PRPF8: variants seen among roughly 807,000 people sequenced by gnomAD.
The protein encoded by PRPF8 is pre-mRNA processing factor 8.
PRPF8 carries 64 observed loss-of-function variants against 285.9 expected under a neutral mutation model. That is an observed-to-expected ratio of 0.22 (90% confidence interval 0.18 to 0.28). The LOEUF (loss-of-function observed/expected upper bound fraction) is 0.28. Ranked by LOEUF, PRPF8 falls within the 10% of genes least tolerant of loss-of-function variation. PRPF8 has a pLI of 1.00. For missense variants in PRPF8, 1,426 were observed against 3,026.7 expected (o/e 0.47, Z 12.41); for synonymous variants, 1,325 against 1,118.2 (o/e 1.18, Z -3.69).
chr17:1,677,079 A>G lies in PRPF8; in HGVS notation c.2078T>C (p.Ile693Thr). The change falls in exon 15 of 43, where the codon ATT (isoleucine) becomes ACT (threonine). Residue 693 changes from isoleucine to threonine, a missense_variant. Ile to Thr is a moderately conservative substitution (Grantham distance 89, BLOSUM62 -1). This residue lies in a region of PRPF8 where 7 missense variants were observed against 67.9 expected (regional missense o/e 0.10). Transcript: ENST00000304992. The part of the protein sequence containing the change: ...LELRAAVMHD[I>T]LDMMPEGIKQ... ...GATCCCCTCAGGCATCATGTCCAGA[A>G]TATCATGCATCACAGCTGCCCGCAG... 6.2e-7 allele frequency: 1 copy of G among 1,613,988 alleles called. No homozygotes were observed. Among genetic ancestry groups the G allele is most frequent in the Non-Finnish European group, 8.5e-7 (1 of 1,180,000 alleles).
At chr17:1,669,997 G>A (rs1912216897) in intron 24 of PRPF8, among the ~76,000 whole-genome samples, 1 of 152,070 alleles carries the variant, frequency 6.6e-6, no homozygotes, top group African/African-American at 2.4e-5. Context: ...TCTCACCTAG[G>A]AACCTCTAAG....
At position 1,653,720 on chromosome 17, in the gene PRPF8, C is replaced by G. The variant is rs770084576; in HGVS notation, c.6228-37G>C. 6.2e-7 allele frequency: 1 copy of G among 1,614,152 alleles called. No homozygotes were observed. The highest frequency in any genetic ancestry group is 1.1e-5 in the South Asian group (1 of 91,086). ...CAGGGAGTGTCAGCATCGCTCAGCCCAGCACCTTAGGTAGTGCAGCCGGCC... is the reference window on the plus strand; with the variant it reads ...CAGGGAGTGTCAGCATCGCTCAGCCGAGCACCTTAGGTAGTGCAGCCGGCC... On this transcript the variant is annotated intron_variant, in intron 38 of 42. Coordinates refer to ENST00000304992, the MANE Select transcript of PRPF8 (RefSeq NM_006445.4). The surrounding 1 kb of genome is among the most constrained non-coding windows in gnomAD (Gnocchi z 4.9).
At chr17:1,677,511 C>T in intron 14 of PRPF8, 54 bp downstream of exon 14, 1 of 1,613,206 alleles carries the variant, frequency 6.2e-7, no homozygotes, top group Non-Finnish European at 8.5e-7. Flanking sequence ...CAAACAGGGG[C>T]AGGTACTTTT....
rs777717191 is a variant in PRPF8 at position 1,675,117 on chromosome 17, A to G, written c.3060+35T>C. ...AGTCAGTGGGCCAGACAAGCACTCC[A>G]CACACAATTCCATGCTACTGCGCCT... On this transcript the variant is annotated intron_variant, in intron 20 of 42. Coordinates refer to ENST00000304992, the MANE Select transcript of PRPF8 (RefSeq NM_006445.4). The surrounding 1 kb of genome is among the most constrained non-coding windows in gnomAD (Gnocchi z 6.0). 2 of 1,611,766 alleles carry G rather than the reference A, an allele frequency of 1.2e-6. No individual in the cohort carries two copies. Among genetic ancestry groups the G allele is most frequent in the African/African-American group, 1.3e-5 (1 of 74,940 alleles).
rs1403334059 is a variant in PRPF8, at chr17:1,679,723, G to A, written c.1175C>T (p.Pro392Leu). ...EFVEPFLKDT[P>L]LYTDNTANGI... ...ATTGGCTGTATTGTCTGTATAGAGG[G>A]GTGTGTCCTTCAGGAAGGGCTCCAC... Residue 392 changes from proline to leucine, a missense_variant, in exon 9 of 43, where the codon CCC becomes CTC. Transcript: ENST00000304992. This position sits in a 1 kb window ranked among gnomAD's most constrained non-coding sequence, Gnocchi z 4.7. 4.3e-6 allele frequency: 7 copies of A among 1,614,106 alleles called. No homozygotes were observed. The highest frequency in any genetic ancestry group is 1.7e-5 in the Admixed American group (1 of 60,010).
chr17:1,665,660 G>A (rs1911932161), intron 24 of PRPF8, among the ~76,000 whole-genome samples: 1 of 151,800 alleles, frequency 6.6e-6, no homozygotes, highest in African/African-American at 2.4e-5. Flanking sequence ...TGGCCAAGAT[G>A]GTGAAACCCT....
rs1459079850 is a variant in PRPF8 at position 1,676,404 on chromosome 17, C to T, written c.2389-34G>A. On this transcript the variant is annotated intron_variant, in intron 16 of 42. Coordinates refer to ENST00000304992, the MANE Select transcript of PRPF8 (RefSeq NM_006445.4). The surrounding 1 kb of genome is among the most constrained non-coding windows in gnomAD (Gnocchi z 6.3). The stretch of plus-strand genomic sequence containing the variant: ...TGGACATGAAATTAGCCTCCCGCTA[C>T]AGCCCGATCCTGCCAGAACAAGGTT... 1 of 1,614,106 alleles carries T rather than the reference C, an allele frequency of 6.2e-7. No homozygotes were observed.
At position 1,661,705 on chromosome 17, in the gene PRPF8, G is replaced by A; in HGVS notation, c.4108C>T (p.Arg1370Cys). 2 of 1,614,184 alleles carry A rather than the reference G, an allele frequency of 1.2e-6. No homozygotes were observed. Among genetic ancestry groups the A allele is most frequent in the Non-Finnish European group, 1.7e-6 (2 of 1,180,044 alleles). ...EEDQLIPNLY[R>C]YIQPWESEFI... ...TCGCTCTCCCATGGCTGTATGTAGC[G>A]GTACAAGTTGGGAATGAGCTGGTCT... is the stretch of plus-strand genomic sequence containing the variant. The change falls in exon 26 of 43, where the codon CGC (arginine) becomes TGC (cysteine). Residue 1370 changes from arginine (R) to cysteine (C), a missense_variant. Coordinates refer to ENST00000304992, the MANE Select transcript of PRPF8 (RefSeq NM_006445.4). This position sits in a 1 kb window ranked among gnomAD's most constrained non-coding sequence, Gnocchi z 7.3.
chr17:1,659,774 G>T lies in PRPF8; in HGVS notation c.4946+67C>A. ...GGCAGACAGGACAATTCCTAAAGTT[G>T]CAGGGCTAGAAGAACAGGAAAACGA... is the stretch of plus-strand genomic sequence containing the variant. On this transcript the variant is annotated intron_variant, in intron 31 of 42. Coordinates refer to ENST00000304992, the MANE Select transcript of PRPF8 (RefSeq NM_006445.4). The surrounding 1 kb of genome is among the most constrained non-coding windows in gnomAD (Gnocchi z 5.1). 2 of 1,569,796 alleles carry T rather than the reference G, an allele frequency of 1.3e-6. No homozygotes were observed. Among genetic ancestry groups the T allele is most frequent in the South Asian group, 1.1e-5 (1 of 89,454 alleles).
At chr17:1,660,653 A>T (rs1164606454) in intron 29 of PRPF8, 45 bp downstream of exon 29, 2 of 1,614,078 alleles carry the variant, frequency 1.2e-6, no homozygotes, top group Non-Finnish European at 1.7e-6. Flanking sequence ...GGCAAGAAGC[A>T]GCAACTGTCT....
rs773012698 is a variant in PRPF8 at position 1,675,609 on chromosome 17, G to A, written c.2872+11C>T. ...CCCGTTCCTCACAGGGCGATCTCAT[G>A]AAAGTTCTACCTTGACACCACTTGT... On this transcript the variant is annotated intron_variant, in intron 19 of 42. Coordinates refer to ENST00000304992, the MANE Select transcript of PRPF8 (RefSeq NM_006445.4). The surrounding 1 kb of genome is among the most constrained non-coding windows in gnomAD (Gnocchi z 6.0). 8 of 1,613,952 alleles carry A rather than the reference G, an allele frequency of 5.0e-6. No homozygotes were observed. Among genetic ancestry groups the A allele is most frequent in the South Asian group, 3.3e-5 (3 of 91,084 alleles).
intron 24 of PRPF8, among the ~76,000 whole-genome samples, chr17:1,664,456 A>T (rs922815831): frequency 6.6e-6 from 1 of 152,186 alleles, no homozygotes; most frequent in East Asian, 1.9e-4. Flanking sequence ...AGATTAACAG[A>T]TATTTTCCAG....
intron 2 of PRPF8, 136 bp from the exon 3 acceptor site, chr17:1,683,837 C>A: frequency 1.0e-6 from 1 of 1,004,088 alleles, no homozygotes; most frequent in Non-Finnish European, 1.5e-6. Context: ...CTTGCCAATT[C>A]CCTTACCATT....
chr17:1,661,796 T>G lies in PRPF8; in HGVS notation c.4023-6A>C. ...CATCTGTCTGTTTGGACCACCTGTT[T>G]GGGTGTACAACCAAGATTACAGAAA... is the stretch of plus-strand genomic sequence containing the variant. On this transcript the variant is annotated splice_region_variant and splice_polypyrimidine_tract_variant and intron_variant, in intron 25 of 42. Transcript: ENST00000304992. This position sits in a 1 kb window ranked among gnomAD's most constrained non-coding sequence, Gnocchi z 7.3. 6.2e-7 allele frequency: 1 copy of G among 1,614,212 alleles called. No individual in the cohort carries two copies. The highest frequency in any genetic ancestry group is 8.5e-7 in the Non-Finnish European group (1 of 1,180,050).
In PRPF8 at chr17:1,673,096, G is replaced by A. The variant is rs1597242828; in HGVS notation, c.3759C>T (p.Ser1253=). 1.2e-6 allele frequency: 2 copies of A among 1,614,206 alleles called. No individual in the cohort carries two copies. Among genetic ancestry groups the A allele is most frequent in the South Asian group, 1.1e-5 (1 of 91,086 alleles). ...RVRQILMASG[S]TTFTKIVNKW... Reference sequence around the variant, plus strand: ...GGCCCTGTACCTTGGTGAAGGTGGTGGACCCAGAGGCCATGAGAATCTGAC... The same window carrying A: ...GGCCCTGTACCTTGGTGAAGGTGGTAGACCCAGAGGCCATGAGAATCTGAC... The change falls in exon 24 of 43, where the codon TCC becomes TCT. Residue 1253 remains serine, a synonymous_variant. Coordinates refer to ENST00000304992, the MANE Select transcript of PRPF8 (RefSeq NM_006445.4). The surrounding 1 kb of genome is among the most constrained non-coding windows in gnomAD (Gnocchi z 5.5).
chr17:1,658,841 G>C lies in PRPF8; in HGVS notation c.5139-78C>G. 7.9e-7 allele frequency: 1 copy of C among 1,262,964 alleles called. No individual in the cohort carries two copies. The highest frequency in any genetic ancestry group is 2.3e-5 in the East Asian group (1 of 43,060). The allele number at this position is 1,262,964 out of a possible 1,614,324, so 78.2% of individuals were successfully genotyped here. A position where few individuals can be genotyped will look rare whatever the true frequency, so the allele number is the denominator to read the frequency against. On this transcript the variant is annotated intron_variant, in intron 32 of 42. Transcript: ENST00000304992. The surrounding 1 kb of genome is among the most constrained non-coding windows in gnomAD (Gnocchi z 4.1). ...AACAAGACAAGCTGCCAACTCTACA[G>C]AGGAAGAAAGACTGTTCGCCAGGCT...
rs935773201 is a variant in PRPF8, at chr17:1,676,421, A to G, written c.2389-51T>C. The G allele has an allele frequency of 1.2e-6, 2 of 1,613,932 alleles. No individual in the cohort carries two copies. Among genetic ancestry groups the G allele is most frequent in the African/African-American group, 2.7e-5 (2 of 74,906 alleles). On this transcript the variant is annotated intron_variant, in intron 16 of 42. Coordinates refer to ENST00000304992, the MANE Select transcript of PRPF8 (RefSeq NM_006445.4). The surrounding 1 kb of genome is among the most constrained non-coding windows in gnomAD (Gnocchi z 6.3). ...TCCCGCTACAGCCCGATCCTGCCAG[A>G]ACAAGGTTCAGTCACAACTCTACAG...
chr17:1,671,191 C>G (rs1014279290), intron 24 of PRPF8, among the ~76,000 whole-genome samples: 1 of 152,188 alleles, frequency 6.6e-6, no homozygotes, highest in Non-Finnish European at 1.5e-5. Context: ...TCATCACATG[C>G]TACTTCTTTC....
chr17:1,669,879 T>A (rs188132951), intron 24 of PRPF8, among the ~76,000 whole-genome samples: 3 of 152,304 alleles, frequency 2.0e-5, no homozygotes, highest in South Asian at 2.1e-4. Context: ...TCACTCCACA[T>A]TGTCCCTGGG....
Sources: allele counts gnomAD v4.1 joint callset (sites outside exome capture counted in the v4.1 genomes callset), GRCh38; gene constraint gnomAD v4.1.1; regional missense constraint gnomAD v4.1.1; non-coding constraint Gnocchi (gnomAD v3.1); transcripts MANE v1.5; gene names NCBI Gene and HGNC (gene_info 2026-07-23, HGNC 2026-07-21).